Variants in SLC24A2 observed in about 807,000 individuals in gnomAD.
The protein encoded by SLC24A2 is solute carrier family 24 member 2, also known as sodium/potassium/calcium exchanger 2.
A neutral mutation model predicts 62.0 loss-of-function variants in SLC24A2; 36 were observed. That is an observed-to-expected ratio of 0.58 (90% CI 0.44 to 0.77). SLC24A2 has a LOEUF of 0.77. SLC24A2 is among the 30% of genes least tolerant of loss of function. SLC24A2 has a pLI of 0.00. For missense variants in SLC24A2, 846 were observed against 817.9 expected (o/e 1.03, Z -0.42); for synonymous variants, 358 against 294.0 (o/e 1.22, Z -2.23).
the SLC24A2 span, among the ~76,000 whole-genome samples, chr9:20,249,638 G>A: frequency 6.7e-6 from 1 of 148,308 alleles, no homozygotes; most frequent in South Asian, 2.1e-4. Context: ...CCAGGAGGCA[G>A]AGGCTACAGT....
the SLC24A2 span, among the ~76,000 whole-genome samples, chr9:19,920,399 G>A: frequency 6.6e-6 from 1 of 152,168 alleles, no homozygotes; most frequent in Non-Finnish European, 1.5e-5. Context: ...TAAATACAAA[G>A]TCCATGTCTT....
the SLC24A2 span, among the ~76,000 whole-genome samples, chr9:20,242,371 G>C: frequency 6.6e-6 from 1 of 152,226 alleles, no homozygotes; most frequent in African/African-American, 2.4e-5. Context: ...GGGTTAGTGG[G>C]TTGATTTTAT....
chr9:19,675,621 C>T (rs1207298367), intron 2 of SLC24A2, among the ~76,000 whole-genome samples: 2 of 152,046 alleles, frequency 1.3e-5, no homozygotes, highest in Admixed American at 6.5e-5. Flanking sequence ...TCATGAAGGT[C>T]GCCAGGGAAG....
intron 2 of SLC24A2, among the ~76,000 whole-genome samples, chr9:19,711,300 T>C (rs1048878507): frequency 4.6e-5 from 7 of 152,236 alleles, no homozygotes; most frequent in African/African-American, 1.7e-4. Context: ...TGGATTTTCT[T>C]GAGCTTTAAA....
chr9:20,243,632 T>C, the SLC24A2 span, among the ~76,000 whole-genome samples: 1 of 152,178 alleles, frequency 6.6e-6, no homozygotes, highest in Admixed American at 6.5e-5. Flanking sequence ...AATTTTGTTA[T>C]ATATATGAAC....
chr9:19,542,697 G>C (rs1417133252), intron 8 of SLC24A2, among the ~76,000 whole-genome samples: 1 of 152,132 alleles, frequency 6.6e-6, no homozygotes, highest in Non-Finnish European at 1.5e-5. Flanking sequence ...AAATAATCAC[G>C]TGCTTTTTGT....
intron 2 of SLC24A2, among the ~76,000 whole-genome samples, chr9:19,743,397 A>G (rs1035706570): frequency 6.6e-6 from 1 of 152,158 alleles, no homozygotes; most frequent in Non-Finnish European, 1.5e-5. Context: ...ATTTTCTGCA[A>G]TTCTTAAAGC....
At chr9:19,954,379 C>A in the SLC24A2 span, among the ~76,000 whole-genome samples, 20 of 152,042 alleles carry the variant, frequency 1.3e-4, 1 homozygote, top group East Asian at 3.3e-3. Flanking sequence ...GGAAGTAAGA[C>A]AATGTAACCA....
intron 2 of SLC24A2, among the ~76,000 whole-genome samples, chr9:19,636,009 C>G (rs1818301061): frequency 1.3e-5 from 2 of 152,040 alleles, no homozygotes; most frequent in Admixed American, 1.3e-4. Context: ...CACTTTCGTC[C>G]CCATGGTTAG....
the SLC24A2 span, among the ~76,000 whole-genome samples, chr9:20,139,781 A>C: frequency 6.6e-6 from 1 of 152,210 alleles, no homozygotes; most frequent in South Asian, 2.1e-4. Context: ...CTGGAGAAAC[A>C]AATTTGTCCC....
chr9:20,031,229 CTG>C, the SLC24A2 span, among the ~76,000 whole-genome samples: 26 of 149,308 alleles, frequency 1.7e-4, no homozygotes, highest in African/African-American at 5.1e-4. Flanking sequence ...CACACACACC[CTG>C]TGTGTGTGTG....
chr9:20,205,511 C>T, the SLC24A2 span, among the ~76,000 whole-genome samples: 2 of 151,794 alleles, frequency 1.3e-5, no homozygotes, highest in East Asian at 1.9e-4. Flanking sequence ...ATTAACCAGT[C>T]GTGGTGGCAG....
At chr9:20,160,063 T>G in the SLC24A2 span, among the ~76,000 whole-genome samples, 2 of 151,414 alleles carry the variant, frequency 1.3e-5, no homozygotes, top group Middle Eastern at 6.8e-3. Flanking sequence ...CCTAAAACAG[T>G]AATTCATAAA....
At chr9:19,605,795 C>G (rs991252492) in intron 4 of SLC24A2, among the ~76,000 whole-genome samples, 6 of 152,186 alleles carry the variant, frequency 3.9e-5, no homozygotes, top group Non-Finnish European at 8.8e-5. Context: ...CACTTAACAG[C>G]CCACGACAGA....
chr9:20,156,388 T>A, the SLC24A2 span, among the ~76,000 whole-genome samples: 1 of 151,722 alleles, frequency 6.6e-6, no homozygotes, highest in African/African-American at 2.4e-5. Flanking sequence ...CAAGACCTTA[T>A]ACCATATCAC....
chr9:19,588,764 G>C (rs556463209), intron 5 of SLC24A2, among the ~76,000 whole-genome samples: 2 of 152,188 alleles, frequency 1.3e-5, no homozygotes, highest in Non-Finnish European at 2.9e-5. Flanking sequence ...GATTCAAGAC[G>C]AGCCTGGTCA....
At chr9:19,969,330 G>T in the SLC24A2 span, among the ~76,000 whole-genome samples, 4 of 151,832 alleles carry the variant, frequency 2.6e-5, no homozygotes, top group South Asian at 8.3e-4. Context: ...TCAGAACTTG[G>T]CTCAGTGACA....
chr9:19,515,709 T>TAA lies in SLC24A2; in HGVS notation c.*442_*443dup, dbSNP rs569819598. ...ATATCTGATTTTATATATATATATA[T>TAA]AATTTTTCTTTGTCTTTATTTACAG... On this transcript the variant is annotated 3_prime_UTR_variant, in exon 11 of 11. Coordinates refer to ENST00000341998, the MANE Select transcript of SLC24A2 (RefSeq NM_020344.4). The TAA allele has an allele frequency of 3.0e-4, 46 of 152,492 alleles. 1 individual carries two copies. In the South Asian group the frequency reaches 6.7e-3, roughly 22 times the overall value. The allele number at this position is 152,492 out of a possible 1,614,324, so 9.4% of individuals were successfully genotyped here.
the SLC24A2 span, among the ~76,000 whole-genome samples, chr9:20,058,778 T>A: frequency 2.6e-5 from 4 of 152,310 alleles, 1 homozygote; most frequent in African/African-American, 9.6e-5. Context: ...ACAAAACACA[T>A]ACACATGCAT....
Sources: allele counts gnomAD v4.1 joint callset (sites outside exome capture counted in the v4.1 genomes callset), GRCh38; gene constraint gnomAD v4.1.1; transcripts MANE v1.5; gene names NCBI Gene and HGNC (gene_info 2026-07-23, HGNC 2026-07-21).